Variants in SLC24A2 observed in about 807,000 individuals in gnomAD.
SLC24A2 encodes sodium/potassium/calcium exchanger 2.
SLC24A2 carries 36 observed loss-of-function variants against 62.0 expected under a neutral mutation model. That is an observed-to-expected ratio of 0.58 (90% CI 0.44 to 0.77). SLC24A2 has a LOEUF of 0.77. SLC24A2 is among the 30% of genes least tolerant of loss of function. The pLI is 0.00. For missense variants in SLC24A2, 846 were observed against 817.9 expected, an observed-to-expected ratio of 1.03 and a Z score of -0.42; for synonymous variants, 358 against 294.0, an observed-to-expected ratio of 1.22 and a Z score of -2.23.
the SLC24A2 span, among the ~76,000 whole-genome samples, chr9:20,255,780 A>C: frequency 1.3e-5 from 2 of 152,242 alleles, no homozygotes; most frequent in African/African-American, 2.4e-5. Context: ...ATTCAGGTTA[A>C]AAGGAATAGA....
chr9:20,177,623 T>A, the SLC24A2 span, among the ~76,000 whole-genome samples: 2 of 152,016 alleles, frequency 1.3e-5, no homozygotes, highest in African/African-American at 4.8e-5. Flanking sequence ...TATCCTGGAG[T>A]AGCTATAAGT....
chr9:19,915,605 CTTA>C, the SLC24A2 span, among the ~76,000 whole-genome samples: 1 of 151,988 alleles, frequency 6.6e-6, no homozygotes, highest in Non-Finnish European at 1.5e-5. Flanking sequence ...ATTTTCTTGG[CTTA>C]TTATTATGAT....
At chr9:19,976,188 T>A in the SLC24A2 span, among the ~76,000 whole-genome samples, 125 of 152,232 alleles carry the variant, frequency 8.2e-4, 1 homozygote, top group Admixed American at 1.4e-3. Flanking sequence ...CCAGTGCAAG[T>A]TAAAAAAAAA....
the SLC24A2 span, among the ~76,000 whole-genome samples, chr9:20,186,913 A>G: frequency 1.3e-5 from 2 of 152,182 alleles, no homozygotes; most frequent in Admixed American, 1.3e-4. Context: ...ACCTTTGGGC[A>G]GGGGTGTGGG....
chr9:19,641,549 C>T (rs192149649), intron 2 of SLC24A2, among the ~76,000 whole-genome samples: 9 of 144,552 alleles, frequency 6.2e-5, no homozygotes, highest in Non-Finnish European at 1.2e-4. Context: ...GAGTCTCACT[C>T]GGTCGCCCAG....
intron 8 of SLC24A2, among the ~76,000 whole-genome samples, chr9:19,531,711 A>C (rs1833718859): frequency 5.2e-5 from 3 of 57,352 alleles, no homozygotes; most frequent in South Asian, 1.3e-3. Context: ...CACCCCCCAA[A>C]TCCTACTAAA....
At chr9:19,648,366 C>A (rs1278132456) in intron 2 of SLC24A2, among the ~76,000 whole-genome samples, 4 of 152,146 alleles carry the variant, frequency 2.6e-5, no homozygotes, top group Non-Finnish European at 5.9e-5. Flanking sequence ...AGTGAGGAAA[C>A]TGAGTTAAAA....
chr9:19,649,140 G>C (rs574813993), intron 2 of SLC24A2, among the ~76,000 whole-genome samples: 1 of 152,114 alleles, frequency 6.6e-6, no homozygotes, highest in South Asian at 2.1e-4. Flanking sequence ...ATCAGTGTCA[G>C]ATATTAGCCA....
At chr9:20,056,470 A>T in the SLC24A2 span, among the ~76,000 whole-genome samples, 1 of 152,192 alleles carries the variant, frequency 6.6e-6, no homozygotes, top group Non-Finnish European at 1.5e-5. Context: ...ATGACCAACA[A>T]ATGTTTGGAT....
chr9:19,573,291 G>T, intron 7 of SLC24A2, 60 bp downstream of exon 7: 1 of 1,163,772 alleles, frequency 8.6e-7, no homozygotes, highest in Non-Finnish European at 1.3e-6. Context: ...GGTCTGTGCT[G>T]CCACGCTAGG....
chr9:19,679,462 G>C (rs1819652387), intron 2 of SLC24A2, among the ~76,000 whole-genome samples: 1 of 152,120 alleles, frequency 6.6e-6, no homozygotes, highest in South Asian at 2.1e-4. Context: ...ACTTGATTGG[G>C]CTAAGGGATG....
chr9:20,175,509 A>G, the SLC24A2 span, among the ~76,000 whole-genome samples: 134 of 152,244 alleles, frequency 8.8e-4, 1 homozygote, highest in African/African-American at 3.1e-3. Context: ...ATATTATGCT[A>G]TGTATATTTT....
chr9:19,843,808 G>A, the SLC24A2 span, among the ~76,000 whole-genome samples: 8 of 152,080 alleles, frequency 5.3e-5, no homozygotes, highest in Non-Finnish European at 8.8e-5. Flanking sequence ...AATTTGCTTA[G>A]GATAATGGCC....
rs1234365542 is a variant in SLC24A2, at chr9:19,510,406, A to G, written c.*5747T>C. 6.7e-6 allele frequency: 1 copy of G among 149,160 alleles called. No individual in the cohort carries two copies. The highest frequency in any genetic ancestry group is 1.5e-5 in the Non-Finnish European group (1 of 67,580). 9.2% of individuals were successfully genotyped at this position (149,160 alleles called of 1,614,324 possible). A position where few individuals can be genotyped will look rare whatever the true frequency, so the allele number is the denominator to read the frequency against. On this transcript the variant is annotated 3_prime_UTR_variant, in exon 11 of 11. Coordinates refer to ENST00000341998, the MANE Select transcript of SLC24A2 (RefSeq NM_020344.4). ...ACTTCCAACTATGGGGCAAAGAGTG[A>G]AGAGTGCCCAGATGCAGTTACTTTT...
At chr9:20,212,173 A>G in the SLC24A2 span, among the ~76,000 whole-genome samples, 1 of 151,868 alleles carries the variant, frequency 6.6e-6, no homozygotes, top group South Asian at 2.1e-4. Flanking sequence ...ATATCAAAAT[A>G]TTAATATCAG....
the SLC24A2 span, among the ~76,000 whole-genome samples, chr9:19,844,013 C>A: frequency 6.6e-6 from 1 of 152,246 alleles, no homozygotes; most frequent in Admixed American, 6.5e-5. Context: ...TTTGGTAGAA[C>A]AATTTATTGT....
chr9:20,261,153 C>T, the SLC24A2 span, among the ~76,000 whole-genome samples: 4 of 152,094 alleles, frequency 2.6e-5, no homozygotes, highest in Admixed American at 6.5e-5. Context: ...CCACTGCACC[C>T]GGCCCAATGT....
chr9:19,989,200 G>A, the SLC24A2 span, among the ~76,000 whole-genome samples: 1 of 152,096 alleles, frequency 6.6e-6, no homozygotes, highest in African/African-American at 2.4e-5. Flanking sequence ...TATATAAGGA[G>A]AGAATATTAT....
At chr9:20,269,360 A>G in the SLC24A2 span, among the ~76,000 whole-genome samples, 1 of 152,124 alleles carries the variant, frequency 6.6e-6, no homozygotes, top group Non-Finnish European at 1.5e-5. Flanking sequence ...TATCCCTACT[A>G]TACCATGGGT....
Sources: allele counts gnomAD v4.1 joint callset (sites outside exome capture counted in the v4.1 genomes callset), GRCh38; gene constraint gnomAD v4.1.1; transcripts MANE v1.5; gene names NCBI Gene and HGNC (gene_info 2026-07-23, HGNC 2026-07-21).